CSMD3: variants seen among roughly 807,000 people sequenced by gnomAD.
CSMD3 encodes CUB and Sushi multiple domains 3, also known as CUB and sushi domain-containing protein 3.
Under a neutral mutation model 435.2 loss-of-function variants are expected in CSMD3, and 177 were observed. The observed-to-expected ratio is 0.41, with a 90% CI of 0.36 to 0.46. The LOEUF (loss-of-function observed/expected upper bound fraction) is 0.46. Ranked by LOEUF, CSMD3 falls within the 20% of genes least tolerant of loss-of-function variation. CSMD3 has a pLI of 0.34. For missense variants in CSMD3, 4,265 were observed against 4,504.6 expected (o/e 0.95, Z 1.52); for synonymous variants, 1,656 against 1,520.5 (o/e 1.09, Z -2.07).
chr8:112,255,118 C>T (rs927086550), intron 62 of CSMD3, 136 bp downstream of exon 62: 4 of 645,536 alleles, frequency 6.2e-6, no homozygotes, highest in African/African-American at 3.6e-5. Context: ...ATTTCCAGTG[C>T]CTTCTAATTG....
chr8:113,086,916 T>G (rs1340824059), intron 5 of CSMD3, among the ~76,000 whole-genome samples: 1 of 152,220 alleles, frequency 6.6e-6, no homozygotes, highest in East Asian at 1.9e-4. Context: ...TTTACTTCTT[T>G]GTGTGTTTTC....
At chr8:112,320,640 T>C (rs1822908747) in intron 45 of CSMD3, among the ~76,000 whole-genome samples, 1 of 125,130 alleles carries the variant, frequency 8.0e-6, no homozygotes, top group African/African-American at 3.0e-5. Flanking sequence ...CCCTCCCCCC[T>C]CCCCTCCACC....
chr8:112,362,832 T>C (rs753379294), intron 38 of CSMD3, among the ~76,000 whole-genome samples: 3 of 152,006 alleles, frequency 2.0e-5, no homozygotes, highest in African/African-American at 4.8e-5. Flanking sequence ...GGTAGTTGTG[T>C]ATGGTGTTCT....
At chr8:112,911,508 G>A (rs2082410965) in intron 10 of CSMD3, among the ~76,000 whole-genome samples, 1 of 151,518 alleles carries the variant, frequency 6.6e-6, no homozygotes, top group Admixed American at 6.6e-5. Context: ...ATCATACAAT[G>A]TTTGTCTTTG....
At chr8:113,372,288 C>T (rs549898466) in intron 1 of CSMD3, among the ~76,000 whole-genome samples, 1 of 152,072 alleles carries the variant, frequency 6.6e-6, no homozygotes, top group Non-Finnish European at 1.5e-5. Context: ...CCTTTGTTAT[C>T]TTATTATTCT....
chr8:112,456,631 T>G (rs1206575554), intron 32 of CSMD3, among the ~76,000 whole-genome samples: 2 of 152,126 alleles, frequency 1.3e-5, no homozygotes, highest in African/African-American at 4.8e-5. Context: ...TTACATTTCT[T>G]GTTGATACTT....
intron 18 of CSMD3, among the ~76,000 whole-genome samples, chr8:112,655,511 T>G (rs902930893): frequency 6.6e-6 from 1 of 152,070 alleles, no homozygotes; most frequent in Non-Finnish European, 1.5e-5. Context: ...TCTGTGTTCA[T>G]ATCAGCATCA....
chr8:113,206,331 T>C (rs1669624761), intron 3 of CSMD3, among the ~76,000 whole-genome samples: 1 of 152,186 alleles, frequency 6.6e-6, no homozygotes. Flanking sequence ...AATTCTATAC[T>C]CTTTTTCCAT....
At chr8:112,825,646 A>G (rs1294396060) in intron 12 of CSMD3, among the ~76,000 whole-genome samples, 1 of 151,740 alleles carries the variant, frequency 6.6e-6, no homozygotes, top group East Asian at 1.9e-4. Context: ...CATCTGGTTC[A>G]CTCCGGCACC....
At chr8:112,465,640 CAT>C (rs1817876230) in intron 32 of CSMD3, among the ~76,000 whole-genome samples, 1 of 152,038 alleles carries the variant, frequency 6.6e-6, no homozygotes, top group Non-Finnish European at 1.5e-5. Context: ...ACACAAATAA[CAT>C]AGTAATTTCT....
At chr8:112,587,972 C>A (rs560040613) in intron 22 of CSMD3, among the ~76,000 whole-genome samples, 1 of 151,836 alleles carries the variant, frequency 6.6e-6, no homozygotes, top group East Asian at 1.9e-4. Context: ...AATTTCTCAA[C>A]AAATTTAGTT....
intron 1 of CSMD3, among the ~76,000 whole-genome samples, chr8:113,396,790 A>G (rs542478259): frequency 5.9e-5 from 9 of 152,126 alleles, no homozygotes; most frequent in Non-Finnish European, 1.3e-4. Context: ...AAGTTCCATA[A>G]TTCCTGTATA....
At chr8:112,596,240 A>G (rs1009354370) in intron 22 of CSMD3, among the ~76,000 whole-genome samples, 9 of 152,058 alleles carry the variant, frequency 5.9e-5, no homozygotes, top group Non-Finnish European at 1.2e-4. Context: ...AACAGACTTT[A>G]AACCAACAAA....
chr8:113,399,076 T>A (rs1408784877), intron 1 of CSMD3, among the ~76,000 whole-genome samples: 2 of 89,738 alleles, frequency 2.2e-5, no homozygotes, highest in Non-Finnish European at 4.1e-5. Context: ...ACAAGGATAG[T>A]TCATATATAT....
chr8:112,898,145 T>A (rs1437580702), intron 10 of CSMD3, among the ~76,000 whole-genome samples: 1 of 151,250 alleles, frequency 6.6e-6, no homozygotes, highest in African/African-American at 2.4e-5. Context: ...AATAGCTTCA[T>A]AAATTTACAA....
At chr8:113,029,299 A>G (rs948337971) in intron 5 of CSMD3, among the ~76,000 whole-genome samples, 1 of 151,450 alleles carries the variant, frequency 6.6e-6, no homozygotes, top group African/African-American at 2.4e-5. Context: ...CCCTAATACC[A>G]AAACCAGGGA....
intron 5 of CSMD3, among the ~76,000 whole-genome samples, chr8:113,081,193 T>G (rs757717321): frequency 2.0e-5 from 3 of 152,218 alleles, no homozygotes; most frequent in Non-Finnish European, 2.9e-5. Flanking sequence ...TGGGTGGCTT[T>G]AAATAATAGA....
At chr8:112,701,143 G>A (rs16883971) in intron 13 of CSMD3, among the ~76,000 whole-genome samples, 3,855 of 152,136 alleles carry the variant, frequency 0.025, 79 homozygotes, top group East Asian at 0.074. Flanking sequence ...CTTCAACTAT[G>A]TTTTCTAGAG....
intron 1 of CSMD3, among the ~76,000 whole-genome samples, chr8:113,319,816 T>C (rs1358018121): frequency 1.3e-5 from 2 of 152,124 alleles, no homozygotes; most frequent in African/African-American, 4.8e-5. Flanking sequence ...TGTAAATACA[T>C]TTCTAAGTGA....
Sources: allele counts gnomAD v4.1 joint callset (sites outside exome capture counted in the v4.1 genomes callset), GRCh38; gene constraint gnomAD v4.1.1; transcripts MANE v1.5; gene names NCBI Gene and HGNC (gene_info 2026-07-23, HGNC 2026-07-21).